VEZT: variants seen among roughly 807,000 people sequenced by gnomAD.
VEZT encodes the protein vezatin, adherens junctions transmembrane protein.
VEZT carries 39 observed loss-of-function variants against 79.9 expected under a neutral mutation model. The observed-to-expected ratio is 0.49, with a 90% CI of 0.38 to 0.64. VEZT has a LOEUF of 0.64. VEZT is among the 30% of genes least tolerant of loss of function. VEZT has a pLI of 0.00. For synonymous variants in VEZT, 325 were observed against 327.6 expected (o/e 0.99, Z 0.09); for missense variants, 837 against 893.1 (o/e 0.94, Z 0.80).
intron 1 of VEZT, among the ~76,000 whole-genome samples, chr12:95,250,933 G>A (rs2062490960): frequency 6.6e-6 from 1 of 152,154 alleles, no homozygotes; most frequent in African/African-American, 2.4e-5. Flanking sequence ...TGAGACAGCT[G>A]ATGCACAAAA....
At chr12:95,293,812 T>G (rs1057431598) in intron 9 of VEZT, 5 of 154,820 alleles carry the variant, frequency 3.2e-5, no homozygotes, top group African/African-American at 1.2e-4. Context: ...TTTTTCACTT[T>G]AATATCTTTA....
At chr12:95,239,959 AGAGAGAGAGAGAGAGAGAGAGAG>A (rs1193548080) in intron 1 of VEZT, among the ~76,000 whole-genome samples, 1 of 129,556 alleles carries the variant, frequency 7.7e-6, no homozygotes, top group Non-Finnish European at 1.6e-5. Flanking sequence ...AGAGAGAGAG[AGAGAGAGAGAGAGAGAGAGAGAG>A]GAGAGAGAGA....
At chr12:95,260,705 A>G (rs1026440427) in intron 3 of VEZT, among the ~76,000 whole-genome samples, 1 of 152,218 alleles carries the variant, frequency 6.6e-6, no homozygotes, top group African/African-American at 2.4e-5. Flanking sequence ...TTTTGTAGCA[A>G]AAGTTTGATT....
chr12:95,285,626 A>G lies in VEZT; in HGVS notation c.1329-2038A>G, dbSNP rs796810311. Among the ~76,000 whole-genome samples, 3 of 151,778 alleles carry G rather than the reference A, an allele frequency of 2.0e-5. 1 individual carries two copies. In the South Asian group the frequency reaches 6.2e-4, roughly 32 times the overall value. On this transcript the variant is annotated intron_variant, in intron 8 of 11. Coordinates refer to ENST00000436874, the MANE Select transcript of VEZT (RefSeq NM_017599.4). ...TCTCATAACACTGTCTCTCTGTGGT[A>G]TTATCCTTTTGTGCCTGTATTCAGC...
At chr12:95,259,191 G>GGTTTT (rs1555263705) in intron 3 of VEZT, among the ~76,000 whole-genome samples, 1 of 147,628 alleles carries the variant, frequency 6.8e-6, no homozygotes, top group African/African-American at 2.5e-5. Flanking sequence ...AATACTTTCT[G>GGTTTT]TTTTTTTTTT....
intron 1 of VEZT, among the ~76,000 whole-genome samples, chr12:95,243,601 A>T (rs532214736): frequency 6.6e-6 from 1 of 152,212 alleles, no homozygotes; most frequent in Non-Finnish European, 1.5e-5. Flanking sequence ...ATCAGTATGT[A>T]TCTCTAACAG....
chr12:95,250,564 A>T (rs2062422315), intron 1 of VEZT, among the ~76,000 whole-genome samples: 1 of 151,920 alleles, frequency 6.6e-6, no homozygotes, highest in Admixed American at 6.6e-5. Flanking sequence ...CAGCCTCCCA[A>T]AGTGTTGGGA....
At chr12:95,245,334 C>G (rs562751508) in intron 1 of VEZT, among the ~76,000 whole-genome samples, 4 of 152,136 alleles carry the variant, frequency 2.6e-5, no homozygotes, top group Non-Finnish European at 5.9e-5. Flanking sequence ...AGCATTCTTA[C>G]TTTGTACTTA....
At chr12:95,226,070 G>A (rs2058433064) in intron 1 of VEZT, among the ~76,000 whole-genome samples, 2 of 149,686 alleles carry the variant, frequency 1.3e-5, no homozygotes, top group Admixed American at 6.7e-5. Context: ...ACTCTGCCTT[G>A]GTGACAGATT....
chr12:95,236,284 G>A (rs1280849846), intron 1 of VEZT, among the ~76,000 whole-genome samples: 2 of 152,190 alleles, frequency 1.3e-5, no homozygotes, highest in Admixed American at 6.5e-5. Flanking sequence ...CCAGTCAGGC[G>A]TGGCGGCGCG....
intron 3 of VEZT, among the ~76,000 whole-genome samples, chr12:95,260,749 T>C (rs149514367): frequency 4.1e-4 from 63 of 152,334 alleles, no homozygotes; most frequent in African/African-American, 1.3e-3. Context: ...CTGTGTCTAA[T>C]TGGGGAACCA....
At chr12:95,261,469 T>C (rs994035698) in intron 3 of VEZT, among the ~76,000 whole-genome samples, 9 of 152,194 alleles carry the variant, frequency 5.9e-5, no homozygotes, top group Non-Finnish European at 1.3e-4. Context: ...TGTAGTGCAG[T>C]GGCACAATCT....
chr12:95,230,247 CAA>C (rs1460310758), intron 1 of VEZT, among the ~76,000 whole-genome samples: 1 of 151,698 alleles, frequency 6.6e-6, no homozygotes, highest in African/African-American at 2.4e-5. Flanking sequence ...TTATTTGAAA[CAA>C]TATATTTGAG....
intron 1 of VEZT, among the ~76,000 whole-genome samples, chr12:95,249,660 T>C (rs558014318): frequency 6.6e-6 from 1 of 152,354 alleles, no homozygotes; most frequent in East Asian, 1.9e-4. Flanking sequence ...TTCTTCTGAA[T>C]GCAAGAATAT....
intron 1 of VEZT, among the ~76,000 whole-genome samples, chr12:95,232,920 C>T (rs962758970): frequency 6.6e-6 from 1 of 152,106 alleles, no homozygotes; most frequent in African/African-American, 2.4e-5. Context: ...GTCCTCCTGC[C>T]TCAGCCTCCT....
intron 6 of VEZT, among the ~76,000 whole-genome samples, chr12:95,272,757 G>A (rs2066881546): frequency 6.6e-6 from 1 of 152,168 alleles, no homozygotes; most frequent in Non-Finnish European, 1.5e-5. Flanking sequence ...AGGGGAAAAT[G>A]GTTCTTTTTG....
chr12:95,251,825 C>T, intron 1 of VEZT, 115 bp from the exon 2 acceptor site: 2 of 844,422 alleles, frequency 2.4e-6, no homozygotes, highest in Non-Finnish European at 1.8e-6. Flanking sequence ...TAGAAGAAGC[C>T]TTAAAGAATT....
At chr12:95,269,948 G>A in intron 5 of VEZT, 103 bp from the exon 6 acceptor site, 6 of 1,355,992 alleles carry the variant, frequency 4.4e-6, no homozygotes, top group Non-Finnish European at 6.0e-6. Flanking sequence ...CATGAAAGAG[G>A]AATTTGTTTT....
At chr12:95,223,536 T>C (rs1433079341) in intron 1 of VEZT, among the ~76,000 whole-genome samples, 1 of 152,132 alleles carries the variant, frequency 6.6e-6, no homozygotes, top group Non-Finnish European at 1.5e-5. Flanking sequence ...CTGCAACCTC[T>C]GCCTCCTGGG....
Sources: allele counts gnomAD v4.1 joint callset (sites outside exome capture counted in the v4.1 genomes callset), GRCh38; gene constraint gnomAD v4.1.1; transcripts MANE v1.5; gene names NCBI Gene and HGNC (gene_info 2026-07-23, HGNC 2026-07-21).